ATP4A: variants seen among roughly 807,000 people sequenced by gnomAD.
ATP4A encodes the protein potassium-transporting ATPase alpha chain 1.
ATP4A carries 73 observed loss-of-function variants against 112.1 expected under a neutral mutation model. The observed-to-expected ratio is 0.65, with a 90% CI of 0.54 to 0.79. The LOEUF (loss-of-function observed/expected upper bound fraction) is 0.79, where lower values mean the gene tolerates loss of function less well. ATP4A is among the 30% of genes least tolerant of loss of function. The probability of loss-of-function intolerance (pLI) is 0.00; values close to 1 mark genes in which losing one functional copy is unlikely to be tolerated. For synonymous variants in ATP4A, 588 were observed against 588.9 expected, an observed-to-expected ratio of 1.00 and a Z score of 0.02; for missense variants, 1,081 against 1,425.9, an observed-to-expected ratio of 0.76 and a Z score of 3.90.
Position 35,550,507 on chromosome 19 carries a change from C to CT in ATP4A, c.*107dup. 6.9e-7 allele frequency: 1 copy of CT among 1,445,196 alleles called. No individual in the cohort carries two copies. Among genetic ancestry groups the CT allele is most frequent in the Non-Finnish European group, 9.6e-7 (1 of 1,041,866 alleles). The allele number at this position is 1,445,196 out of a possible 1,614,324, so 89.5% of individuals were successfully genotyped here. A position where few individuals can be genotyped will look rare whatever the true frequency, so the allele number is the denominator to read the frequency against. The stretch of plus-strand genomic sequence containing the variant: ...GCTACAGAAGCAGATACTGGTGGGG[C>CT]TGGGACTCTTGGTTGCTCAGATATC... On this transcript the variant is annotated 3_prime_UTR_variant, in exon 22 of 22. Transcript: ENST00000262623. The surrounding 1 kb of genome is among the most constrained non-coding windows in gnomAD (Gnocchi z 4.1).
rs757335787 is a variant in ATP4A, at chr19:35,557,802, G to C, written c.1546C>G (p.Leu516Val). 6.4e-7 allele frequency: 1 copy of C among 1,572,740 alleles called. No homozygotes were observed. Among genetic ancestry groups the C allele is most frequent in the East Asian group, 2.3e-5 (1 of 42,776 alleles). Reference protein sequence around the residue: ...LEDPRDPRHLLVMKGAPERVL... With the variant: ...LEDPRDPRHLVVMKGAPERVL... ...CGCTCGGGGGCGCCCTTCATCACCAGCAAGTGTCGCGGGTCCCGCGGGTCC... is the reference window on the plus strand; with the variant it reads ...CGCTCGGGGGCGCCCTTCATCACCACCAAGTGTCGCGGGTCCCGCGGGTCC... The change falls in exon 11 of 22, where the codon CTG becomes GTG. Residue 516 changes from leucine to valine, a missense_variant. Physicochemically the swap from Leu to Val is conservative, Grantham distance 32. Transcript: ENST00000262623. This position sits in a 1 kb window ranked among gnomAD's most constrained non-coding sequence, Gnocchi z 4.4.
intron 4 of ATP4A, 117 bp downstream of exon 4, chr19:35,562,318 G>T: frequency 8.1e-7 from 1 of 1,237,118 alleles, no homozygotes; most frequent in Non-Finnish European, 1.1e-6. Flanking sequence ...TCTTGAGACT[G>T]CCTTTCGTGT....
In ATP4A at chr19:35,557,746, G is replaced by A. The variant is rs760611613; in HGVS notation, c.1602C>T (p.Ile534=). ...RVLERCSSIL[I]KGQELPLDEQ... is the part of the protein sequence containing the mutation. ...CGTCCAGCGGCAGCTCCTGGCCCTT[G>A]ATAAGGATGGAGCTGCAGCGCTCCA... is the stretch of plus-strand genomic sequence containing the variant. The change falls in exon 11 of 22, where the codon ATC becomes ATT. Residue 534 remains isoleucine (I), a synonymous_variant. Transcript: ENST00000262623. This position sits in a 1 kb window ranked among gnomAD's most constrained non-coding sequence, Gnocchi z 4.4. 1.9e-5 allele frequency: 31 copies of A among 1,605,708 alleles called. No homozygotes were observed. Among genetic ancestry groups the A allele is most frequent in the Non-Finnish European group, 2.6e-5 (30 of 1,175,666 alleles).
Position 35,557,864 on chromosome 19 carries a change from G to A in ATP4A, c.1501-17C>T. ...GATGGACAGCTGTGGGCGGGGGGGA[G>A]AGGCGAGGCTGTGGACGGGGGAACG... On this transcript the variant is annotated splice_polypyrimidine_tract_variant and intron_variant, in intron 10 of 21. Transcript: ENST00000262623. The surrounding 1 kb of genome is among the most constrained non-coding windows in gnomAD (Gnocchi z 4.4). The A allele has an allele frequency of 1.4e-6, 2 of 1,452,082 alleles. No individual in the cohort carries two copies. Among genetic ancestry groups the A allele is most frequent in the Non-Finnish European group, 1.8e-6 (2 of 1,097,830 alleles). The allele number at this position is 1,452,082 out of a possible 1,614,324, so 89.9% of individuals were successfully genotyped here. A position where few individuals can be genotyped will look rare whatever the true frequency, so the allele number is the denominator to read the frequency against.
In ATP4A at chr19:35,563,285, G is replaced by T; in HGVS notation, c.157-17C>A. On this transcript the variant is annotated splice_polypyrimidine_tract_variant and intron_variant, in intron 2 of 21. Coordinates refer to ENST00000262623, the MANE Select transcript of ATP4A (RefSeq NM_000704.3). ...GTGGTCGTTCTGTGTGGTGGGGTGG[G>T]GCAGGGTGCTTGCTCTGGGCTCTCC... 1 of 1,613,582 alleles carries T rather than the reference G, an allele frequency of 6.2e-7. No individual in the cohort carries two copies. The highest frequency in any genetic ancestry group is 8.5e-7 in the Non-Finnish European group (1 of 1,179,876).
chr19:35,551,960 G>A lies in ATP4A; in HGVS notation c.2752-380C>T, dbSNP rs142524808. On this transcript the variant is annotated intron_variant, in intron 18 of 21. Coordinates refer to ENST00000262623, the MANE Select transcript of ATP4A (RefSeq NM_000704.3). The surrounding 1 kb of genome is among the most constrained non-coding windows in gnomAD (Gnocchi z 5.2). ...AGGGGCCAGGCAGATGGCAAAAATA[G>A]GTGAGGCAGTCACCGCGGGCCTTTG... Among the ~76,000 whole-genome samples, 29 of 152,318 alleles carry A rather than the reference G, an allele frequency of 1.9e-4. No homozygotes were observed. In the East Asian group the frequency reaches 5.6e-3, roughly 29 times the overall value.
At position 35,559,897 on chromosome 19, in the gene ATP4A, T is replaced by C; in HGVS notation, c.964A>G (p.Met322Val). The C allele has an allele frequency of 1.9e-6, 3 of 1,614,170 alleles. No individual in the cohort carries two copies. The highest frequency in any genetic ancestry group is 2.2e-5 in the South Asian group (2 of 91,082). ...CGCAGGAAGGTGTAGCCAATGCACA[T>C]GGCCACAATAAAAAATGTGGCACCG... ...LFGATFFIVA[M>V]CIGYTFLRAM... Residue 322 changes from methionine (M) to valine (V), a missense_variant, in exon 7 of 22, where the codon ATG becomes GTG. Physicochemically the swap from Met to Val is conservative, Grantham distance 21 (BLOSUM62 1). Coordinates refer to ENST00000262623, the MANE Select transcript of ATP4A (RefSeq NM_000704.3). This position sits in a 1 kb window ranked among gnomAD's most constrained non-coding sequence, Gnocchi z 4.1.
chr19:35,554,470 A>G (rs1056981094), intron 16 of ATP4A, among the ~76,000 whole-genome samples: 6 of 152,098 alleles, frequency 3.9e-5, no homozygotes, highest in African/African-American at 1.4e-4. Flanking sequence ...CACTGTGTAA[A>G]TGTTACCGAA....
In ATP4A at chr19:35,551,653, G is replaced by C; in HGVS notation, c.2752-73C>G. The C allele has an allele frequency of 6.4e-7, 1 of 1,556,170 alleles. No homozygotes were observed. The highest frequency in any genetic ancestry group is 8.7e-7 in the Non-Finnish European group (1 of 1,148,540). The stretch of plus-strand genomic sequence containing the variant: ...CGGCGGAGAGCCTCTGCAGCCCACC[G>C]GGCATAGGGTCCCAGGGCCGTGAAC... On this transcript the variant is annotated intron_variant, in intron 18 of 21. Coordinates refer to ENST00000262623, the MANE Select transcript of ATP4A (RefSeq NM_000704.3). This position sits in a 1 kb window ranked among gnomAD's most constrained non-coding sequence, Gnocchi z 5.2.
Position 35,550,455 on chromosome 19 carries a change from G to T in ATP4A, c.*160C>A. The T allele has an allele frequency of 1.1e-6, 1 of 895,736 alleles. No homozygotes were observed. The highest frequency in any genetic ancestry group is 1.7e-6 in the Non-Finnish European group (1 of 585,174). The allele number at this position is 895,736 out of a possible 1,614,324, so 55.5% of individuals were successfully genotyped here. A position where few individuals can be genotyped will look rare whatever the true frequency, so the allele number is the denominator to read the frequency against. Reference sequence around the variant, plus strand: ...TGGGAATGGGGGAGGGGAGTGGGCAGGTCCCTCCAAGTTTGGGGTGCCGTG... The same window carrying T: ...TGGGAATGGGGGAGGGGAGTGGGCATGTCCCTCCAAGTTTGGGGTGCCGTG... On this transcript the variant is annotated 3_prime_UTR_variant, in exon 22 of 22. Transcript: ENST00000262623. This position sits in a 1 kb window ranked among gnomAD's most constrained non-coding sequence, Gnocchi z 4.1.
At position 35,557,816 on chromosome 19, in the gene ATP4A, T is replaced by C; in HGVS notation, c.1532A>G (p.Asp511Gly). The change falls in exon 11 of 22, where the codon GAC becomes GGC. Residue 511 changes from aspartate to glycine, a missense_variant. Coordinates refer to ENST00000262623, the MANE Select transcript of ATP4A (RefSeq NM_000704.3). This position sits in a 1 kb window ranked among gnomAD's most constrained non-coding sequence, Gnocchi z 4.4. ...LSIHTLEDPR[D>G]PRHLLVMKGA... is the part of the protein sequence containing the mutation. ...CTTCATCACCAGCAAGTGTCGCGGG[T>C]CCCGCGGGTCCTCCAGCGTATGGAT... The C allele has an allele frequency of 6.5e-7, 1 of 1,534,212 alleles. No homozygotes were observed. The highest frequency in any genetic ancestry group is 1.4e-5 in the African/African-American group (1 of 71,162).
chr19:35,555,399 G>T lies in ATP4A; in HGVS notation c.2157+41C>A. 6.2e-7 allele frequency: 1 copy of T among 1,601,356 alleles called. No homozygotes were observed. Reference sequence around the variant, plus strand: ...GAGAGGCCGGTCCAAGACCAGCCCCGCCTGTCTGCCCGCCTGCCCACCCTC... The same window carrying T: ...GAGAGGCCGGTCCAAGACCAGCCCCTCCTGTCTGCCCGCCTGCCCACCCTC... On this transcript the variant is annotated intron_variant, in intron 14 of 21. Transcript: ENST00000262623. This position sits in a 1 kb window ranked among gnomAD's most constrained non-coding sequence, Gnocchi z 6.6.
chr19:35,558,750 C>T lies in ATP4A; in HGVS notation c.1256-64G>A. 6.7e-7 allele frequency: 1 copy of T among 1,488,270 alleles called. No homozygotes were observed. Among genetic ancestry groups the T allele is most frequent in the Non-Finnish European group, 9.0e-7 (1 of 1,109,656 alleles). 92.2% of individuals were successfully genotyped at this position (1,488,270 alleles called of 1,614,324 possible). On this transcript the variant is annotated intron_variant, in intron 8 of 21. Coordinates refer to ENST00000262623, the MANE Select transcript of ATP4A (RefSeq NM_000704.3). The surrounding 1 kb of genome is among the most constrained non-coding windows in gnomAD (Gnocchi z 5.1). ...CTCTCCCGGACCAGAACCGAGCCCC[C>T]TCCTCCTAGGCTCATATCGCGGGCC...
In ATP4A at chr19:35,560,274, G is replaced by A. The variant is rs1037083845; in HGVS notation, c.787+89C>T. On this transcript the variant is annotated intron_variant, in intron 6 of 21. Coordinates refer to ENST00000262623, the MANE Select transcript of ATP4A (RefSeq NM_000704.3). The surrounding 1 kb of genome is among the most constrained non-coding windows in gnomAD (Gnocchi z 5.1). ...GGCAGTCATGCAGGAGAGAGACAGG[G>A]AGGCTGAAGCCCCCTGTCCTAGAAG... The A allele has an allele frequency of 6.3e-6, 10 of 1,574,908 alleles. No homozygotes were observed. In the African/African-American group the frequency reaches 6.7e-5, roughly 11 times the overall value.
At position 35,562,451 on chromosome 19, in the gene ATP4A, AG is replaced by A. The variant is rs1291099489; in HGVS notation, c.403del (p.Leu135SerfsTer70). Reference protein sequence around the residue: ...AFAIQASEGDLTTDDNLYLAI... With the variant: ...AFAIQASEGDXTTDDNLYLAI... ...ATGGCTCACATTGTCGTCGGTGGTGAGGTCCCCCTCACTAGCCTGGATGGCA... is the reference window on the plus strand; with the variant it reads ...ATGGCTCACATTGTCGTCGGTGGTGAGTCCCCCTCACTAGCCTGGATGGCA... On this transcript the variant is annotated frameshift_variant, in exon 4 of 22. Transcript: ENST00000262623. LOFTEE classifies it high-confidence loss of function. 1 of 1,613,880 alleles carries A rather than the reference AG, an allele frequency of 6.2e-7. No individual in the cohort carries two copies. Among genetic ancestry groups the A allele is most frequent in the Admixed American group, 1.7e-5 (1 of 59,998 alleles).
rs1295730663 is a variant in ATP4A, at chr19:35,558,531, G to A, written c.1366-35C>T. On this transcript the variant is annotated intron_variant, in intron 9 of 21. Transcript: ENST00000262623. The surrounding 1 kb of genome is among the most constrained non-coding windows in gnomAD (Gnocchi z 5.1). ...GGGACCGGTGTCAGGGGCGAAGCCG[G>A]CTACACCAGCCTCCCGGGATTCCCT... 6.3e-7 allele frequency: 1 copy of A among 1,589,228 alleles called. No homozygotes were observed. The highest frequency in any genetic ancestry group is 2.3e-5 in the East Asian group (1 of 43,960).
chr19:35,552,914 T>TG, intron 18 of ATP4A, 123 bp downstream of exon 18: 1 of 1,292,414 alleles, frequency 7.7e-7, no homozygotes, highest in Non-Finnish European at 1.0e-6. Flanking sequence ...GCAGGGAGTC[T>TG]GGGGGTCCGG....
chr19:35,560,057 C>A lies in ATP4A; in HGVS notation c.804G>T (p.Leu268=). 6.2e-7 allele frequency: 1 copy of A among 1,614,026 alleles called. No homozygotes were observed. Among genetic ancestry groups the A allele is most frequent in the Non-Finnish European group, 8.5e-7 (1 of 1,179,934 alleles). ...TMCLEGTVQG[L]VVNTGDRTII... ...TGGTGCGGTCGCCCGTGTTCACCAC[C>A]AGGCCCTGCACGGTGCCTGCAGGGG... The change falls in exon 7 of 22, where the codon CTG becomes CTT. Residue 268 remains leucine (L), a synonymous_variant. Transcript: ENST00000262623. The surrounding 1 kb of genome is among the most constrained non-coding windows in gnomAD (Gnocchi z 5.1).
chr19:35,557,220 A>G lies in ATP4A; in HGVS notation c.1694-132T>C. On this transcript the variant is annotated intron_variant, in intron 11 of 21. Coordinates refer to ENST00000262623, the MANE Select transcript of ATP4A (RefSeq NM_000704.3). This position sits in a 1 kb window ranked among gnomAD's most constrained non-coding sequence, Gnocchi z 4.4. ...TGCCTGACCTTGTGCTGACCCCTTC[A>G]CTCACATTATCTGAATCTACCCTCA... is the stretch of plus-strand genomic sequence containing the variant. The G allele has an allele frequency of 2.0e-6, 2 of 1,013,242 alleles. No individual in the cohort carries two copies. The highest frequency in any genetic ancestry group is 2.9e-6 in the Non-Finnish European group (2 of 693,840). The allele number at this position is 1,013,242 out of a possible 1,614,324, so 62.8% of individuals were successfully genotyped here. A position where few individuals can be genotyped will look rare whatever the true frequency, so the allele number is the denominator to read the frequency against.
Sources: gnomAD v4.1 joint callset for allele counts (sites outside exome capture counted in the v4.1 genomes callset) on GRCh38, gnomAD v4.1.1 for gene constraint, Gnocchi (gnomAD v3.1) non-coding constraint, MANE v1.5 for transcripts, NCBI Gene and HGNC (gene_info 2026-07-23, HGNC 2026-07-21) for gene names.